CFHR2: variants seen among roughly 807,000 people sequenced by gnomAD.
The protein encoded by CFHR2 is complement factor H related 2.
In CFHR2, 22 loss-of-function variants were observed where a neutral mutation model predicts 21.7. The ratio of observed to expected loss-of-function variants is 1.01; its 90% CI spans 0.72 to 1.45. The LOEUF (loss-of-function observed/expected upper bound fraction) is 1.45, where lower values mean the gene tolerates loss of function less well. Ranked by LOEUF, CFHR2 falls within the 40% of genes most tolerant of loss-of-function variation. CFHR2 has a pLI of 0.00. For missense variants in CFHR2, 294 were observed against 293.3 expected, an observed-to-expected ratio of 1.00 and a Z score of -0.02; for synonymous variants, 98 against 97.4, an observed-to-expected ratio of 1.01 and a Z score of -0.04.
chr1:196,948,087 C>T (rs1249976140), intron 1 of CFHR2, among the ~76,000 whole-genome samples: 1 of 152,032 alleles, frequency 6.6e-6, no homozygotes, highest in Non-Finnish European at 1.5e-5. Context: ...ATTTTTCCTG[C>T]ACCATCGTGT....
chr1:196,948,225 T>C (rs1434950882), intron 1 of CFHR2, among the ~76,000 whole-genome samples: 1 of 152,142 alleles, frequency 6.6e-6, no homozygotes, highest in Non-Finnish European at 1.5e-5. Context: ...CAGAATGATG[T>C]AGTATTTGTA....
Position 196,949,315 on chromosome 1 carries a change from T to A in CFHR2, c.59-140T>A, listed in dbSNP as rs1173853797. The A allele has an allele frequency of 5.3e-6, 4 of 752,734 alleles. No individual in the cohort carries two copies. The Admixed American group carries it at 1.2e-4, about 22-fold the overall frequency. 46.6% of individuals were successfully genotyped at this position (752,734 alleles called of 1,614,324 possible). On this transcript the variant is annotated intron_variant, in intron 1 of 4. Transcript: ENST00000367415. ...TTAGTGATGTCTTTTCATTCCTAATTTGGACACTGGAGAGCATTTAAGCTA... is the reference window on the plus strand; with the variant it reads ...TTAGTGATGTCTTTTCATTCCTAATATGGACACTGGAGAGCATTTAAGCTA...
At chr1:196,948,955 G>A (rs1443926887) in intron 1 of CFHR2, among the ~76,000 whole-genome samples, 3 of 151,956 alleles carry the variant, frequency 2.0e-5, no homozygotes, top group Admixed American at 2.0e-4. Context: ...TATTCAAAAT[G>A]ATATTAATAA....
Position 196,953,391 on chromosome 1 carries a change from T to A in CFHR2, c.430+2363T>A, listed in dbSNP as rs144906377. Among the ~76,000 whole-genome samples, 34 of 152,290 alleles carry A rather than the reference T, an allele frequency of 2.2e-4. 1 individual carries two copies. In the East Asian group the frequency reaches 6.6e-3, roughly 29 times the overall value. ...TCTACCTTCAAAGTTCAAGCAATTCTTGTGCCTCAGCCTCCTGAGTAGTTG... is the reference window on the plus strand; with the variant it reads ...TCTACCTTCAAAGTTCAAGCAATTCATGTGCCTCAGCCTCCTGAGTAGTTG... On this transcript the variant is annotated intron_variant, in intron 3 of 4. Transcript: ENST00000367415.
chr1:196,951,645 C>T (rs1247082522), intron 3 of CFHR2, among the ~76,000 whole-genome samples: 2 of 152,012 alleles, frequency 1.3e-5, no homozygotes, highest in African/African-American at 2.4e-5. Context: ...AATAAGATTC[C>T]GTCCTATGCT....
At position 196,959,330 on chromosome 1, in the gene CFHR2, A is replaced by G. The variant is rs530672103; in HGVS notation, c.*250A>G. The G allele has an allele frequency of 3.3e-4, 124 of 378,762 alleles. 1 individual carries two copies. In the South Asian group the frequency reaches 4.2e-3, roughly 13 times the overall value. The allele number at this position is 378,762 out of a possible 1,614,324, so 23.5% of individuals were successfully genotyped here. A position where few individuals can be genotyped will look rare whatever the true frequency, so the allele number is the denominator to read the frequency against. On this transcript the variant is annotated 3_prime_UTR_variant, in exon 5 of 5. Transcript: ENST00000367415. ...TTAAAAAAATTGACAATAACTGTAT[A>G]TATTCATGGAGTACATAGTAATGTT... is the stretch of plus-strand genomic sequence containing the variant.
rs1426158719 is a variant in CFHR2 at position 196,950,954 on chromosome 1, G to C, written c.356G>C (p.Arg119Thr). 1 of 1,613,984 alleles carries C rather than the reference G, an allele frequency of 6.2e-7. No individual in the cohort carries two copies. The highest frequency in any genetic ancestry group is 8.5e-7 in the Non-Finnish European group (1 of 1,180,022). The change falls in exon 3 of 5, where the codon AGA (arginine) becomes ACA (threonine). Residue 119 changes from arginine to threonine, a missense_variant. Transcript: ENST00000367415. Reference protein sequence around the residue: ...TVQIICNTGYRLQNNENNISC... With the variant: ...TVQIICNTGYTLQNNENNISC... The stretch of plus-strand genomic sequence containing the variant: ...CAAATTATTTGCAACACAGGATACA[G>C]ACTTCAAAACAATGAGAACAACATT...
At chr1:196,949,226 C>A (rs533479886) in intron 1 of CFHR2, among the ~76,000 whole-genome samples, 126 of 152,120 alleles carry the variant, frequency 8.3e-4, no homozygotes, top group Non-Finnish European at 1.5e-3. Flanking sequence ...TATTTCATAT[C>A]ACTCCAAAAT....
rs1378597315 is a variant in CFHR2, at chr1:196,959,245, G to T, written c.*165G>T. 3 of 583,676 alleles carry T rather than the reference G, an allele frequency of 5.1e-6. No homozygotes were observed. The highest frequency in any genetic ancestry group is 2.4e-5 in the South Asian group (1 of 42,206). The allele number at this position is 583,676 out of a possible 1,614,324, so 36.2% of individuals were successfully genotyped here. On this transcript the variant is annotated 3_prime_UTR_variant, in exon 5 of 5. Transcript: ENST00000367415. ...ATTACAATCTGAGATGTGTCACAAT[G>T]GTGAGGACTATCTTCACCAAATCTA...
chr1:196,959,209 G>A lies in CFHR2; in HGVS notation c.*129G>A. 1.4e-6 allele frequency: 1 copy of A among 716,102 alleles called. No individual in the cohort carries two copies. Among genetic ancestry groups the A allele is most frequent in the Non-Finnish European group, 2.2e-6 (1 of 446,912 alleles). The allele number at this position is 716,102 out of a possible 1,614,324, so 44.4% of individuals were successfully genotyped here. ...CATAAATAAAGTTTTGTGTTGATTT[G>A]TGAAAATGCAATTACAATCTGAGAT... On this transcript the variant is annotated 3_prime_UTR_variant, in exon 5 of 5. Transcript: ENST00000367415.
rs1653036208 is a variant in CFHR2, at chr1:196,959,551, T to G, written c.*471T>G. ...ATCTTGAAATGTCAATTCCTAACAG[T>G]CACAGCCTGGGAGCTCATGTTTGCC... On this transcript the variant is annotated 3_prime_UTR_variant, in exon 5 of 5. Coordinates refer to ENST00000367415, the MANE Select transcript of CFHR2 (RefSeq NM_005666.4). Among the ~76,000 whole-genome samples the G allele has an allele frequency of 6.6e-6, 1 of 152,064 alleles. No individual in the cohort carries two copies. Among genetic ancestry groups the G allele is most frequent in the Non-Finnish European group, 1.5e-5 (1 of 67,944 alleles).
intron 3 of CFHR2, among the ~76,000 whole-genome samples, chr1:196,956,905 G>C (rs774811071): frequency 2.6e-5 from 4 of 152,052 alleles, no homozygotes; most frequent in Non-Finnish European, 5.9e-5. Flanking sequence ...GCCATGGTGG[G>C]TATAAGCCCA....
Position 196,950,978 on chromosome 1 carries a change from T to C in CFHR2, c.380T>C (p.Ile127Thr), listed in dbSNP as rs749419276. The C allele has an allele frequency of 6.2e-7, 1 of 1,614,106 alleles. No individual in the cohort carries two copies. The highest frequency in any genetic ancestry group is 8.5e-7 in the Non-Finnish European group (1 of 1,180,012). The stretch of plus-strand genomic sequence containing the variant: ...AGACTTCAAAACAATGAGAACAACA[T>C]TTCATGTGTAGAACGGGGCTGGTCC... ...GYRLQNNENN[I>T]SCVERGWSTP... Residue 127 changes from isoleucine to threonine, a missense_variant, in exon 3 of 5, where the codon ATT becomes ACT. By Grantham distance (89) the Ile-to-Thr change is moderately conservative. Transcript: ENST00000367415.
chr1:196,949,338 CT>C, intron 1 of CFHR2, 116 bp from the exon 2 acceptor site: 1 of 1,002,570 alleles, frequency 1.0e-6, no homozygotes, highest in Non-Finnish European at 1.4e-6. Flanking sequence ...AGCATTTAAG[CT>C]AAAGGCATTT....
intron 3 of CFHR2, among the ~76,000 whole-genome samples, chr1:196,954,267 T>C (rs1312925190): frequency 6.6e-6 from 1 of 152,208 alleles, no homozygotes; most frequent in African/African-American, 2.4e-5. Flanking sequence ...TAAATCTCCA[T>C]AAAAGGTCTC....
At chr1:196,948,758 TG>T (rs1659614597) in intron 1 of CFHR2, among the ~76,000 whole-genome samples, 1 of 152,044 alleles carries the variant, frequency 6.6e-6, no homozygotes. Context: ...GTGAAACCAG[TG>T]GGGCTGACCG....
chr1:196,957,583 T>A (rs1326287068), intron 3 of CFHR2, among the ~76,000 whole-genome samples: 1 of 152,180 alleles, frequency 6.6e-6, no homozygotes, highest in Non-Finnish European at 1.5e-5. Flanking sequence ...GAATTTAAAA[T>A]AAGAAACTTT....
chr1:196,957,152 T>C (rs1253446931), intron 3 of CFHR2, among the ~76,000 whole-genome samples: 1 of 152,112 alleles, frequency 6.6e-6, no homozygotes, highest in Non-Finnish European at 1.5e-5. Context: ...AAGTAGGCTC[T>C]TCTGGGGATT....
In CFHR2 at chr1:196,959,089, G is replaced by A; in HGVS notation, c.*9G>A. ...GTTGTGAAGAAAAATAGAATCAATG[G>A]CATTACTATTAGTAAAATGCACACC... On this transcript the variant is annotated 3_prime_UTR_variant, in exon 5 of 5. Coordinates refer to ENST00000367415, the MANE Select transcript of CFHR2 (RefSeq NM_005666.4). 9.0e-6 allele frequency: 14 copies of A among 1,556,584 alleles called. No individual in the cohort carries two copies. Among genetic ancestry groups the A allele is most frequent in the Non-Finnish European group, 1.2e-5 (14 of 1,139,730 alleles).
Sources: gnomAD v4.1 joint callset for allele counts (sites outside exome capture counted in the v4.1 genomes callset) on GRCh38, gnomAD v4.1.1 for gene constraint, MANE v1.5 for transcripts, NCBI Gene and HGNC (gene_info 2026-07-23, HGNC 2026-07-21) for gene names.